STARD3NL: variants seen among roughly 807,000 people sequenced by gnomAD.
STARD3NL encodes STARD3 N-terminal like.
In STARD3NL, 17 loss-of-function variants were observed where a neutral mutation model predicts 30.9. The ratio of observed to expected loss-of-function variants is 0.55; its 90% confidence interval spans 0.38 to 0.82. The LOEUF (loss-of-function observed/expected upper bound fraction) is 0.82, where lower values mean the gene tolerates loss of function less well. Ranked by LOEUF, STARD3NL falls within the 40% of genes least tolerant of loss-of-function variation. The pLI is 0.00. For missense variants in STARD3NL, 234 were observed against 277.6 expected, an observed-to-expected ratio of 0.84 and a Z score of 1.12; for synonymous variants, 112 against 100.5, an observed-to-expected ratio of 1.11 and a Z score of -0.69.
At chr7:38,188,490 C>G (rs1417170829) in intron 1 of STARD3NL, among the ~76,000 whole-genome samples, 1 of 152,168 alleles carries the variant, frequency 6.6e-6, no homozygotes, top group Non-Finnish European at 1.5e-5. Context: ...CATCCCCTTC[C>G]TGTAGAAGGT....
chr7:38,224,175 T>C (rs1237762976), intron 7 of STARD3NL, among the ~76,000 whole-genome samples: 1 of 152,226 alleles, frequency 6.6e-6, no homozygotes, highest in Admixed American at 6.5e-5. Context: ...ATTATATGGA[T>C]ATACAACATA....
At chr7:38,228,756 T>C in intron 7 of STARD3NL, 43 bp from the exon 8 acceptor site, 7 of 1,533,010 alleles carry the variant, frequency 4.6e-6, no homozygotes, top group Non-Finnish European at 6.3e-6. Flanking sequence ...GTTACTGTAA[T>C]GGAATGAAAT....
chr7:38,181,009 G>C (rs1784223377), intron 1 of STARD3NL, among the ~76,000 whole-genome samples: 1 of 152,022 alleles, frequency 6.6e-6, no homozygotes, highest in Non-Finnish European at 1.5e-5. Context: ...TGAATTTATT[G>C]TCCATAAACT....
intron 7 of STARD3NL, among the ~76,000 whole-genome samples, chr7:38,221,790 C>A (rs1016421718): frequency 1.3e-5 from 2 of 152,216 alleles, no homozygotes; most frequent in Non-Finnish European, 1.5e-5. Flanking sequence ...TAGCTTCTCA[C>A]CTTGTGACTG....
In STARD3NL at chr7:38,230,154, A is replaced by T. The variant is rs1787019565; in HGVS notation, c.*249A>T. On this transcript the variant is annotated 3_prime_UTR_variant, in exon 9 of 9. Coordinates refer to ENST00000009041, the MANE Select transcript of STARD3NL (RefSeq NM_032016.4). ...ATTCATCCTCTCTTCAGTGAGACTG[A>T]GCCTGATGTGTTAACAAATAGGTGA... 3 of 152,652 alleles carry T rather than the reference A, an allele frequency of 2.0e-5. No homozygotes were observed. The highest frequency in any genetic ancestry group is 2.9e-5 in the Non-Finnish European group (2 of 68,046). The allele number at this position is 152,652 out of a possible 1,614,324, so 9.5% of individuals were successfully genotyped here.
At position 38,227,562 on chromosome 7, in the gene STARD3NL, A is replaced by G. The variant is rs1562630057; in HGVS notation, c.650-1237A>G. Among the ~76,000 whole-genome samples the G allele has an allele frequency of 5.3e-5, 8 of 152,312 alleles. No individual in the cohort carries two copies. The South Asian group carries it at 1.7e-3, about 32-fold the overall frequency. ...GAAAAAAAAATGTCCTTTTTAAAGT[A>G]TCTTATCTAACAAGGTTCAGGCGTA... On this transcript the variant is annotated intron_variant, in intron 7 of 8. Coordinates refer to ENST00000009041, the MANE Select transcript of STARD3NL (RefSeq NM_032016.4).
chr7:38,193,705 A>G (rs905027006), intron 1 of STARD3NL, among the ~76,000 whole-genome samples: 13 of 152,184 alleles, frequency 8.5e-5, no homozygotes, highest in South Asian at 2.1e-4. Context: ...AAATGACATA[A>G]TGTATCTTAA....
intron 2 of STARD3NL, among the ~76,000 whole-genome samples, chr7:38,208,281 T>C (rs1052210241): frequency 6.6e-6 from 1 of 152,144 alleles, no homozygotes; most frequent in African/African-American, 2.4e-5. Flanking sequence ...ATTTTGCACA[T>C]GTTTGTTCTT....
chr7:38,226,893 T>C (rs952662928), intron 7 of STARD3NL, among the ~76,000 whole-genome samples: 10 of 152,202 alleles, frequency 6.6e-5, no homozygotes, highest in Non-Finnish European at 1.5e-4. Flanking sequence ...CCATGCCCAT[T>C]GAGCTGGGTA....
intron 1 of STARD3NL, among the ~76,000 whole-genome samples, chr7:38,187,184 C>T (rs1784497320): frequency 6.6e-6 from 1 of 152,208 alleles, no homozygotes; most frequent in Non-Finnish European, 1.5e-5. Context: ...GTTGTTGACC[C>T]CTGCAGGGTT....
chr7:38,200,286 G>A (rs1433646638), intron 1 of STARD3NL, among the ~76,000 whole-genome samples: 1 of 152,088 alleles, frequency 6.6e-6, no homozygotes, highest in East Asian at 1.9e-4. Context: ...TCACCCATCT[G>A]GAAATGTATC....
chr7:38,197,146 T>TTCTTTCTTTC (rs1562603474), intron 1 of STARD3NL, among the ~76,000 whole-genome samples: 2 of 140,448 alleles, frequency 1.4e-5, no homozygotes, highest in African/African-American at 5.4e-5. Flanking sequence ...TTTTCTTTCT[T>TTCTTTCTTTC]TCTTTCTTTC....
intron 1 of STARD3NL, among the ~76,000 whole-genome samples, chr7:38,179,578 G>A (rs558483473): frequency 3.9e-5 from 6 of 152,204 alleles, no homozygotes; most frequent in Non-Finnish European, 7.4e-5. Context: ...CTGAGTGATT[G>A]TCTATGCCAC....
At chr7:38,192,739 T>A (rs1784737251) in intron 1 of STARD3NL, among the ~76,000 whole-genome samples, 1 of 152,176 alleles carries the variant, frequency 6.6e-6, no homozygotes, top group Non-Finnish European at 1.5e-5. Flanking sequence ...AGTGCTTTTT[T>A]AAAAAAATGA....
chr7:38,209,363 A>G (rs972075000), intron 2 of STARD3NL, among the ~76,000 whole-genome samples: 5 of 151,992 alleles, frequency 3.3e-5, no homozygotes, highest in African/African-American at 1.2e-4. Flanking sequence ...GGCTCACGCA[A>G]CTGCCACCTC....
intron 7 of STARD3NL, among the ~76,000 whole-genome samples, chr7:38,223,539 C>A (rs1786585275): frequency 6.6e-6 from 1 of 152,178 alleles, no homozygotes. Context: ...GCATTCATTA[C>A]AATTCTAAGT....
intron 2 of STARD3NL, among the ~76,000 whole-genome samples, chr7:38,211,082 T>G (rs1431062873): frequency 7.2e-5 from 11 of 152,240 alleles, no homozygotes; most frequent in African/African-American, 2.4e-4. Context: ...AATTTATTAA[T>G]AACTAAAATA....
chr7:38,192,177 T>A (rs930573413), intron 1 of STARD3NL, among the ~76,000 whole-genome samples: 1 of 152,230 alleles, frequency 6.6e-6, no homozygotes, highest in Non-Finnish European at 1.5e-5. Context: ...TTTTTTGCTT[T>A]CTCTTTCTCT....
intron 1 of STARD3NL, chr7:38,198,099 C>G (rs1009126135): frequency 1.3e-5 from 2 of 152,436 alleles, no homozygotes; most frequent in Non-Finnish European, 2.9e-5. Flanking sequence ...CATGTGAACA[C>G]TTCTTGATGT....
Sources: allele counts gnomAD v4.1 joint callset (sites outside exome capture counted in the v4.1 genomes callset), GRCh38; gene constraint gnomAD v4.1.1; transcripts MANE v1.5; gene names NCBI Gene and HGNC (gene_info 2026-07-23, HGNC 2026-07-21).